The following CCDC85A variants were observed in gnomAD, a reference collection of about 807,000 sequenced individuals.
CCDC85A encodes the protein coiled-coil domain containing 85A.
Under a neutral mutation model 50.2 loss-of-function variants are expected in CCDC85A, and 38 were observed. That is an observed-to-expected ratio of 0.76 (90% CI 0.58 to 0.99). CCDC85A has a LOEUF of 0.99. CCDC85A is among the 50% of genes least tolerant of loss of function. The pLI, the probability that CCDC85A is intolerant of heterozygous loss-of-function variation, is 0.00. For missense variants in CCDC85A, 820 were observed against 742.0 expected, an observed-to-expected ratio of 1.11 and a Z score of -1.22; for synonymous variants, 366 against 301.4, an observed-to-expected ratio of 1.21 and a Z score of -2.22.
chr2:56,198,907 A>G lies in CCDC85A; in HGVS notation c.1240+5467A>G, dbSNP rs552475157. Among the ~76,000 whole-genome samples, 3 of 152,348 alleles carry G rather than the reference A, an allele frequency of 2.0e-5. No homozygotes were observed. In the South Asian group the frequency reaches 6.2e-4, roughly 32 times the overall value. On this transcript the variant is annotated intron_variant, in intron 2 of 5. Coordinates refer to ENST00000407595, the MANE Select transcript of CCDC85A (RefSeq NM_001080433.2). ...TTTCTAGTTGGTCAAGCTAATGTTC[A>G]AATGTGTCTGGCATCCTGTCACATA...
intron 3 of CCDC85A, among the ~76,000 whole-genome samples, chr2:56,358,553 C>T (rs1675352644): frequency 6.6e-6 from 1 of 152,058 alleles, no homozygotes; most frequent in Non-Finnish European, 1.5e-5. Context: ...AATTTATGGG[C>T]CATATGTTCT....
At chr2:56,334,108 C>T (rs985452223) in intron 2 of CCDC85A, among the ~76,000 whole-genome samples, 2 of 152,148 alleles carry the variant, frequency 1.3e-5, no homozygotes, top group Non-Finnish European at 2.9e-5. Flanking sequence ...AGCTGTCTTC[C>T]CCAAATCTCT....
At chr2:56,331,029 T>G (rs1043326482) in intron 2 of CCDC85A, among the ~76,000 whole-genome samples, 33 of 152,116 alleles carry the variant, frequency 2.2e-4, no homozygotes, top group African/African-American at 8.0e-4. Flanking sequence ...ATAGACACAA[T>G]AGAATACTGT....
chr2:56,383,401 T>C (rs1676682446), intron 5 of CCDC85A, among the ~76,000 whole-genome samples: 1 of 152,000 alleles, frequency 6.6e-6, no homozygotes, highest in Non-Finnish European at 1.5e-5. Context: ...CATGTGCACA[T>C]ACATGCATGT....
intron 2 of CCDC85A, among the ~76,000 whole-genome samples, chr2:56,299,401 T>C (rs1672102102): frequency 6.6e-6 from 1 of 152,216 alleles, no homozygotes; most frequent in South Asian, 2.1e-4. Context: ...TCTTTTCTAA[T>C]GTTCTTGCCT....
At position 56,192,722 on chromosome 2, in the gene CCDC85A, G is replaced by A. The variant is rs1676348376; in HGVS notation, c.522G>A (p.Glu174=). Residue 174 remains glutamate, a synonymous_variant, in exon 2 of 6, where the codon GAG becomes GAA. Transcript: ENST00000407595. The surrounding 1 kb of genome is among the most constrained non-coding windows in gnomAD (Gnocchi z 4.7). ...AGGAGCTCTGTGTGCTACTAGATGA[G>A]GAGAAGGGTGCAGGCTGCGCAGGCA... The part of the protein sequence containing the change: ...ELKELCVLLD[E]EKGAGCAGSR... 3 of 1,613,838 alleles carry A rather than the reference G, an allele frequency of 1.9e-6. No individual in the cohort carries two copies. The highest frequency in any genetic ancestry group is 2.5e-6 in the Non-Finnish European group (3 of 1,179,852).
intron 2 of CCDC85A, among the ~76,000 whole-genome samples, chr2:56,210,966 C>A (rs1292292626): frequency 6.6e-6 from 1 of 152,034 alleles, no homozygotes; most frequent in East Asian, 1.9e-4. Flanking sequence ...TGTTTTAAAA[C>A]CACTGACATA....
At chr2:56,255,066 G>A (rs1331664794) in intron 2 of CCDC85A, among the ~76,000 whole-genome samples, 1 of 152,142 alleles carries the variant, frequency 6.6e-6, no homozygotes. Flanking sequence ...ATTGCTGTTG[G>A]TGTGGCAGAG....
chr2:56,186,118 C>T (rs62167289), intron 1 of CCDC85A, among the ~76,000 whole-genome samples: 21,924 of 152,170 alleles, frequency 0.14, 2,129 homozygotes, highest in Non-Finnish European at 0.22. Context: ...GGCCGTCTCC[C>T]GAGGCCGAAA....
intron 4 of CCDC85A, among the ~76,000 whole-genome samples, chr2:56,373,221 A>G (rs1276883210): frequency 1.3e-5 from 2 of 152,192 alleles, no homozygotes; most frequent in Non-Finnish European, 1.5e-5. Flanking sequence ...AAAATAAAAT[A>G]TAAGCCTTGA....
At chr2:56,258,549 T>C (rs954130683) in intron 2 of CCDC85A, among the ~76,000 whole-genome samples, 26 of 152,320 alleles carry the variant, frequency 1.7e-4, no homozygotes, top group African/African-American at 5.1e-4. Flanking sequence ...GGGATGAGAC[T>C]GTTTGGCATC....
intron 2 of CCDC85A, among the ~76,000 whole-genome samples, chr2:56,226,703 A>G (rs114435485): frequency 6.6e-6 from 1 of 152,088 alleles, no homozygotes; most frequent in African/African-American, 2.4e-5. Context: ...AAATGTAGTA[A>G]TGGCAACCAT....
intron 2 of CCDC85A, among the ~76,000 whole-genome samples, chr2:56,285,583 T>C (rs1671407800): frequency 6.8e-6 from 1 of 147,494 alleles, no homozygotes; most frequent in African/African-American, 2.5e-5. Flanking sequence ...TAATTAATAA[T>C]ATAATTAATA....
intron 2 of CCDC85A, among the ~76,000 whole-genome samples, chr2:56,255,140 C>T (rs1669927917): frequency 6.6e-6 from 1 of 152,328 alleles, no homozygotes; most frequent in South Asian, 2.1e-4. Flanking sequence ...ACCCATATTA[C>T]TTCTGCCCAT....
intron 2 of CCDC85A, among the ~76,000 whole-genome samples, chr2:56,247,350 CT>C (rs568215648): frequency 3.3e-5 from 5 of 151,308 alleles, no homozygotes; most frequent in African/African-American, 7.3e-5. Flanking sequence ...AGACATGGGT[CT>C]TTTTTTTTAT....
intron 2 of CCDC85A, among the ~76,000 whole-genome samples, chr2:56,297,022 G>A (rs1252061449): frequency 1.3e-5 from 2 of 152,080 alleles, no homozygotes; most frequent in African/African-American, 4.8e-5. Flanking sequence ...TTGTATATCG[G>A]GGTTAGTCAT....
At chr2:56,373,901 A>G (rs910308317) in intron 4 of CCDC85A, among the ~76,000 whole-genome samples, 13 of 152,200 alleles carry the variant, frequency 8.5e-5, no homozygotes, top group Non-Finnish European at 1.8e-4. Context: ...TTTTGGAACC[A>G]TTTGATTCCA....
intron 2 of CCDC85A, among the ~76,000 whole-genome samples, chr2:56,276,790 T>C (rs973093116): frequency 3.1e-4 from 47 of 152,332 alleles, no homozygotes; most frequent in African/African-American, 1.0e-3. Context: ...AGGTTTGTTA[T>C]GTACGTAAAC....
chr2:56,332,967 C>T (rs920994122), intron 2 of CCDC85A, among the ~76,000 whole-genome samples: 1 of 152,154 alleles, frequency 6.6e-6, no homozygotes, highest in African/African-American at 2.4e-5. Flanking sequence ...TTCTACATTA[C>T]TGGTTGATTC....
Sources: allele counts gnomAD v4.1 joint callset (sites outside exome capture counted in the v4.1 genomes callset), GRCh38; gene constraint gnomAD v4.1.1; non-coding constraint Gnocchi (gnomAD v3.1); transcripts MANE v1.5; gene names NCBI Gene and HGNC (gene_info 2026-07-23, HGNC 2026-07-21).